PHTF1: variants seen among roughly 807,000 people sequenced by gnomAD.
PHTF1 encodes the protein putative homeodomain transcription factor 1, also known as protein PHTF1.
A neutral mutation model predicts 102.4 loss-of-function variants in PHTF1; 88 were observed. That is an observed-to-expected ratio of 0.86 (90% confidence interval 0.72 to 1.03). The LOEUF (loss-of-function observed/expected upper bound fraction) is 1.03. Ranked by LOEUF, PHTF1 falls within the 50% of genes least tolerant of loss-of-function variation. The probability of loss-of-function intolerance (pLI) is 0.00; values close to 1 mark genes in which losing one functional copy is unlikely to be tolerated. For missense variants in PHTF1, 814 were observed against 909.5 expected (o/e 0.89, Z 1.35); for synonymous variants, 289 against 305.2 (o/e 0.95, Z 0.55).
At chr1:113,722,482 T>G (rs1381851720) in intron 7 of PHTF1, among the ~76,000 whole-genome samples, 1 of 152,102 alleles carries the variant, frequency 6.6e-6, no homozygotes, top group African/African-American at 2.4e-5. Context: ...TGGAAAGATA[T>G]TCCATAGTTT....
intron 11 of PHTF1, among the ~76,000 whole-genome samples, chr1:113,708,631 T>TA (rs71090725): frequency 4.8e-4 from 70 of 145,244 alleles, no homozygotes; most frequent in African/African-American, 1.0e-3. Flanking sequence ...AGACTCCATC[T>TA]AAAAAAAAAA....
At chr1:113,753,486 T>C (rs2797413) in intron 3 of PHTF1, among the ~76,000 whole-genome samples, 1,850 of 152,134 alleles carry the variant, frequency 0.012, 47 homozygotes, top group African/African-American at 0.043. Flanking sequence ...TGGAGTGCAA[T>C]GCATGATCTC....
intron 11 of PHTF1, among the ~76,000 whole-genome samples, chr1:113,709,328 T>C (rs1279459030): frequency 6.6e-6 from 1 of 152,222 alleles, no homozygotes; most frequent in Non-Finnish European, 1.5e-5. Context: ...TAAATGAAAA[T>C]GTATAACCTA....
chr1:113,734,087 C>T (rs78483697), intron 5 of PHTF1, among the ~76,000 whole-genome samples: 16,039 of 152,116 alleles, frequency 0.11, 1,068 homozygotes, highest in East Asian at 0.2. Flanking sequence ...TGATGAAACC[C>T]TATCTCTACT....
At chr1:113,750,577 G>A (rs1158971008) in intron 3 of PHTF1, among the ~76,000 whole-genome samples, 1 of 152,038 alleles carries the variant, frequency 6.6e-6, no homozygotes, top group Non-Finnish European at 1.5e-5. Context: ...TAGTAAAAGG[G>A]GCCAGGCGTG....
chr1:113,697,795 A>T (rs894932692), intron 18 of PHTF1, 70 bp from the exon 19 acceptor site: 2 of 1,017,926 alleles, frequency 2.0e-6, no homozygotes, highest in Non-Finnish European at 1.6e-6. Context: ...GTACACTTAC[A>T]TGACTATAAA....
chr1:113,712,889 C>T (rs1159023094), intron 8 of PHTF1, among the ~76,000 whole-genome samples: 3 of 151,624 alleles, frequency 2.0e-5, no homozygotes, highest in Admixed American at 6.6e-5. Flanking sequence ...CAGGTTCATG[C>T]CATGCCATTC....
intron 3 of PHTF1, among the ~76,000 whole-genome samples, chr1:113,741,690 T>C (rs1416014356): frequency 6.6e-6 from 1 of 152,168 alleles, no homozygotes; most frequent in Non-Finnish European, 1.5e-5. Flanking sequence ...TCAACAAATA[T>C]TCGACAAGTA....
In PHTF1 at chr1:113,712,008, C is replaced by G; in HGVS notation, c.889G>C (p.Ala297Pro). ...ACTTCACAACCATTGTCACTTGAGG[C>G]CCCTTCCACACTCCTACGCAATAAT... ...MILLRRSVEG[A>P]SSDNGCEVKN... Residue 297 changes from alanine to proline, a missense_variant, in exon 9 of 19, where the codon GCC becomes CCC. Ala to Pro is a conservative substitution (Grantham distance 27). Transcript: ENST00000369604. The G allele has an allele frequency of 6.2e-7, 1 of 1,613,868 alleles. No homozygotes were observed. The highest frequency in any genetic ancestry group is 8.5e-7 in the Non-Finnish European group (1 of 1,179,780).
intron 7 of PHTF1, among the ~76,000 whole-genome samples, chr1:113,720,304 A>T (rs1203406792): frequency 1.3e-5 from 2 of 152,056 alleles, no homozygotes; most frequent in African/African-American, 4.8e-5. Context: ...AGCAAATATT[A>T]TTAGAGTTAA....
In PHTF1 at chr1:113,704,174, A is replaced by G. The variant is rs775205056; in HGVS notation, c.1804-7T>C. On this transcript the variant is annotated splice_polypyrimidine_tract_variant and splice_region_variant and intron_variant, in intron 14 of 18. Transcript: ENST00000369604. ...AACGCTGTGGCCCCCGTCTCTGTGG[A>G]GTGAGACACATGTGTTAATGTTTTA... is the stretch of plus-strand genomic sequence containing the variant. The G allele has an allele frequency of 3.1e-6, 5 of 1,597,050 alleles. No homozygotes were observed. Among genetic ancestry groups the G allele is most frequent in the Non-Finnish European group, 4.3e-6 (5 of 1,166,058 alleles).
chr1:113,703,993 C>A, intron 15 of PHTF1, 88 bp downstream of exon 15: 1 of 769,324 alleles, frequency 1.3e-6, no homozygotes, highest in South Asian at 1.7e-5. Context: ...AAAATACATA[C>A]TTAAGGACAG....
In PHTF1 at chr1:113,698,405, G is replaced by T. The variant is rs769212606; in HGVS notation, c.2143-18C>A. The T allele has an allele frequency of 1.6e-5, 25 of 1,608,558 alleles. 1 individual carries two copies. The South Asian group carries it at 2.6e-4, about 17-fold the overall frequency. Reference sequence around the variant, plus strand: ...TCCAGCTCCTACAAAAAACATCAAAGAATTGAAATGAGATACATGTTTTCT... The same window carrying T: ...TCCAGCTCCTACAAAAAACATCAAATAATTGAAATGAGATACATGTTTTCT... On this transcript the variant is annotated intron_variant, in intron 17 of 18. Transcript: ENST00000369604.
chr1:113,750,220 G>A (rs562466697), intron 3 of PHTF1, among the ~76,000 whole-genome samples: 10 of 151,998 alleles, frequency 6.6e-5, no homozygotes, highest in African/African-American at 1.7e-4. Context: ...TCCCGGCCTC[G>A]AGCAAAAACC....
At chr1:113,701,474 T>C (rs1469695191) in intron 15 of PHTF1, among the ~76,000 whole-genome samples, 2 of 152,142 alleles carry the variant, frequency 1.3e-5, no homozygotes, top group East Asian at 1.9e-4. Context: ...AATTTGTTGA[T>C]TTAAAAGTAA....
intron 16 of PHTF1, chr1:113,700,251 A>T (rs78874053): frequency 0.11 from 63,558 of 595,784 alleles, 3,693 homozygotes; most frequent in East Asian, 0.18. Flanking sequence ...ATTCTAAGAC[A>T]AAAAAAAAAC....
At chr1:113,698,664 CACAT>C (rs1649106930) in intron 17 of PHTF1, among the ~76,000 whole-genome samples, 1 of 150,694 alleles carries the variant, frequency 6.6e-6, no homozygotes, top group South Asian at 2.1e-4. Context: ...CACACATACA[CACAT>C]ATATAAAATA....
chr1:113,713,230 A>G, intron 8 of PHTF1, 49 bp downstream of exon 8: 1 of 1,523,686 alleles, frequency 6.6e-7, no homozygotes, highest in Non-Finnish European at 9.1e-7. Flanking sequence ...TTAATAGGAA[A>G]ATGTTACATG....
At chr1:113,737,994 T>C in intron 5 of PHTF1, 116 bp downstream of exon 5, 1 of 709,366 alleles carries the variant, frequency 1.4e-6, no homozygotes, top group South Asian at 1.9e-5. Context: ...CTCTTCATTC[T>C]GTGTACTTTA....
Sources: gnomAD v4.1 joint callset for allele counts (sites outside exome capture counted in the v4.1 genomes callset) on GRCh38, gnomAD v4.1.1 for gene constraint, MANE v1.5 for transcripts, NCBI Gene and HGNC (gene_info 2026-07-23, HGNC 2026-07-21) for gene names.